The following MYO10 variants were observed in gnomAD, a reference collection of about 807,000 sequenced individuals.
MYO10 encodes myosin X.
MYO10 carries 133 observed loss-of-function variants against 257.3 expected under a neutral mutation model. The ratio of observed to expected loss-of-function variants is 0.52; its 90% CI spans 0.45 to 0.60. MYO10 has a LOEUF of 0.60. Among genes scored for constraint, MYO10 ranks in the 20% least tolerant of loss-of-function variants. MYO10 has a pLI of 0.00. For missense variants in MYO10, 2,399 were observed against 2,635.7 expected (o/e 0.91, Z 1.97); for synonymous variants, 1,104 against 1,028.6 (o/e 1.07, Z -1.40).
At chr5:16,672,440 C>T (rs987312695) in intron 37 of MYO10, among the ~76,000 whole-genome samples, 1 of 152,084 alleles carries the variant, frequency 6.6e-6, no homozygotes, top group Non-Finnish European at 1.5e-5. Context: ...CAGACGGGTC[C>T]AACATGGAAC....
At chr5:16,768,750 C>T (rs2195347) in intron 10 of MYO10, among the ~76,000 whole-genome samples, 115,929 of 145,542 alleles carry the variant, frequency 0.8, 46,413 homozygotes, top group Middle Eastern at 0.84. Flanking sequence ...TCTCAGCTCA[C>T]TGCACCTTCA....
In MYO10 at chr5:16,671,509, T is replaced by A. The variant is rs776835132; in HGVS notation, c.5343A>T (p.Pro1781=). Residue 1781 remains proline (P), a synonymous_variant, in exon 38 of 41, where the codon CCA becomes CCT. Coordinates refer to ENST00000513610, the MANE Select transcript of MYO10 (RefSeq NM_012334.3). ...AGTAAAGTTTGAAGTAGAATTTCCA[T>A]GGCAGGTCCCCAACCTCGGATGTGG... ...LAATSEVGDL[P]WKFYFKLYCF... is the part of the protein sequence containing the mutation. The A allele has an allele frequency of 5.6e-6, 9 of 1,613,978 alleles. No homozygotes were observed. The South Asian group carries it at 9.9e-5, about 18-fold the overall frequency.
At chr5:16,690,942 G>A (rs1737470537) in intron 27 of MYO10, among the ~76,000 whole-genome samples, 1 of 152,018 alleles carries the variant, frequency 6.6e-6, no homozygotes. Context: ...AAGGGTTTGG[G>A]GCATAAAGCC....
intron 28 of MYO10, 57 bp from the exon 29 acceptor site, chr5:16,685,888 A>G: frequency 7.5e-7 from 1 of 1,338,168 alleles, no homozygotes; most frequent in Non-Finnish European, 1.0e-6. Flanking sequence ...TGGCAAAGCA[A>G]TAGTGCCCTA....
intron 26 of MYO10, 147 bp from the exon 27 acceptor site, chr5:16,694,761 G>A: frequency 9.8e-7 from 1 of 1,023,422 alleles, no homozygotes; most frequent in Non-Finnish European, 1.4e-6. Flanking sequence ...GTGAGGAGTG[G>A]CACTGCTAGC....
chr5:16,755,832 C>G (rs1486383677), intron 18 of MYO10, among the ~76,000 whole-genome samples: 1 of 151,338 alleles, frequency 6.6e-6, no homozygotes, highest in Non-Finnish European at 1.5e-5. Context: ...TTCGCCTGAT[C>G]CACACATACT....
chr5:16,704,553 T>C, intron 22 of MYO10, 26 bp downstream of exon 22: 2 of 1,594,172 alleles, frequency 1.3e-6, no homozygotes, highest in South Asian at 1.1e-5. Context: ...GCTTCCTGCC[T>C]TATCCCCTCA....
Position 16,689,844 on chromosome 5 carries a change from T to C in MYO10, c.3876A>G (p.Ala1292=). Residue 1292 remains alanine (A), a synonymous_variant, in exon 28 of 41, where the codon GCA becomes GCG. Coordinates refer to ENST00000513610, the MANE Select transcript of MYO10 (RefSeq NM_012334.3). Reference sequence around the variant, plus strand: ...CTCACCTGGCATCTTCTGGGGACTCTGCAATCAGGTGGAAAGTCCTATCGG... The same window carrying C: ...CTCACCTGGCATCTTCTGGGGACTCCGCAATCAGGTGGAAAGTCCTATCGG... ...IMADRTFHLI[A]ESPEDASQWF... The C allele has an allele frequency of 6.2e-7, 1 of 1,613,384 alleles. No homozygotes were observed. The highest frequency in any genetic ancestry group is 8.5e-7 in the Non-Finnish European group (1 of 1,179,412).
At chr5:16,695,226 T>TG (rs1194686210) in intron 26 of MYO10, among the ~76,000 whole-genome samples, 1 of 152,038 alleles carries the variant, frequency 6.6e-6, no homozygotes, top group Non-Finnish European at 1.5e-5. Flanking sequence ...CCCAGCTACT[T>TG]GGGAGGCTGG....
chr5:16,810,292 A>C (rs1166754938), intron 3 of MYO10, among the ~76,000 whole-genome samples: 1 of 152,080 alleles, frequency 6.6e-6, no homozygotes, highest in Non-Finnish European at 1.5e-5. Flanking sequence ...CAAGACCGGG[A>C]GACAGTGACA....
chr5:16,758,356 G>C (rs1740597703), intron 17 of MYO10, 130 bp from the exon 18 acceptor site: 1 of 662,026 alleles, frequency 1.5e-6, no homozygotes, highest in African/African-American at 1.8e-5. Context: ...GAAGAACTAA[G>C]ACAGCTTCCA....
rs187012168 is a variant in MYO10, at chr5:16,728,775, C to T, written c.1930-17530G>A. Among the ~76,000 whole-genome samples the T allele has an allele frequency of 1.9e-3, 286 of 152,252 alleles. 2 individuals are homozygous for T. The highest frequency in any genetic ancestry group is 1.9e-3 in the Non-Finnish European group (131 of 68,016). On this transcript the variant is annotated intron_variant, in intron 19 of 40. Transcript: ENST00000513610. Reference sequence around the variant, plus strand: ...TGTCTAGTTCTGTGCCCTTCGTCCTCGTGGGAAAACCAGAAGAGCGTGACT... The same window carrying T: ...TGTCTAGTTCTGTGCCCTTCGTCCTTGTGGGAAAACCAGAAGAGCGTGACT...
chr5:16,859,873 C>A (rs1192857847), intron 2 of MYO10, among the ~76,000 whole-genome samples: 1 of 152,222 alleles, frequency 6.6e-6, no homozygotes, highest in African/African-American at 2.4e-5. Context: ...CCACCCCCAC[C>A]CAGGGCCGTG....
At chr5:16,912,848 A>ACC (rs1554008415) in intron 1 of MYO10, among the ~76,000 whole-genome samples, 5 of 147,726 alleles carry the variant, frequency 3.4e-5, no homozygotes, top group Admixed American at 1.4e-4. Context: ...ACACACACAC[A>ACC]CCATGGTACC....
At chr5:16,901,489 C>T (rs193301974) in intron 1 of MYO10, among the ~76,000 whole-genome samples, 9 of 152,226 alleles carry the variant, frequency 5.9e-5, no homozygotes, top group South Asian at 4.2e-4. Flanking sequence ...GCCAGAAGAG[C>T]GTATTTGTCT....
chr5:16,816,850 C>T (rs868672094), intron 3 of MYO10, among the ~76,000 whole-genome samples: 3 of 132,952 alleles, frequency 2.3e-5, no homozygotes, highest in Non-Finnish European at 3.2e-5. Context: ...GACAGAGTTT[C>T]GCTCTGTCAC....
At chr5:16,817,399 A>C (rs1251262264) in intron 3 of MYO10, among the ~76,000 whole-genome samples, 1 of 152,258 alleles carries the variant, frequency 6.6e-6, no homozygotes, top group Non-Finnish European at 1.5e-5. Flanking sequence ...TCAAAAATTT[A>C]TAACAAGTGA....
chr5:16,932,523 G>T lies in MYO10; in HGVS notation c.21+3265C>A, dbSNP rs530737529. ...ACACATCTAAACTTAGTTTCTGGCTGAAGTAAACTTAACAACTTACTTAGA... is the reference window on the plus strand; with the variant it reads ...ACACATCTAAACTTAGTTTCTGGCTTAAGTAAACTTAACAACTTACTTAGA... On this transcript the variant is annotated intron_variant, in intron 1 of 40. Transcript: ENST00000513610. Among the ~76,000 whole-genome samples the T allele has an allele frequency of 2.6e-5, 4 of 152,160 alleles. No homozygotes were observed. In the East Asian group the frequency reaches 7.7e-4, roughly 29 times the overall value.
intron 6 of MYO10, 149 bp downstream of exon 6, chr5:16,781,556 C>T (rs1741424535): frequency 1.2e-6 from 1 of 832,774 alleles, no homozygotes; most frequent in Non-Finnish European, 1.8e-6. Context: ...AACAGGTATA[C>T]TAACATTAGA....
Sources: allele counts gnomAD v4.1 joint callset (sites outside exome capture counted in the v4.1 genomes callset), GRCh38; gene constraint gnomAD v4.1.1; transcripts MANE v1.5; gene names NCBI Gene and HGNC (gene_info 2026-07-23, HGNC 2026-07-21).